The following TP53BP2 variants were observed in gnomAD, a reference collection of about 807,000 sequenced individuals.
TP53BP2 encodes apoptosis-stimulating of p53 protein 2.
In TP53BP2, 62 loss-of-function variants were observed where a neutral mutation model predicts 126.2. The ratio of observed to expected loss-of-function variants is 0.49; its 90% CI spans 0.40 to 0.61. The LOEUF (loss-of-function observed/expected upper bound fraction) is 0.61, where lower values mean the gene tolerates loss of function less well. Ranked by LOEUF, TP53BP2 falls within the 20% of genes least tolerant of loss-of-function variation. The pLI is 0.00. For missense variants in TP53BP2, 1,215 were observed against 1,402.8 expected (o/e 0.87, Z 2.14); for synonymous variants, 485 against 502.9 (o/e 0.96, Z 0.48).
intron 12 of TP53BP2, among the ~76,000 whole-genome samples, chr1:223,797,630 C>T (rs1662371224): frequency 1.3e-5 from 2 of 152,006 alleles, no homozygotes. Context: ...AGGCTGGTCT[C>T]GAACTCCCAA....
At chr1:223,820,332 TGGA>T (rs1355501728) in intron 2 of TP53BP2, among the ~76,000 whole-genome samples, 3 of 152,204 alleles carry the variant, frequency 2.0e-5, no homozygotes, top group African/African-American at 4.8e-5. Flanking sequence ...TTATTCTAAG[TGGA>T]GGAGAAGTCG....
intron 3 of TP53BP2, among the ~76,000 whole-genome samples, chr1:223,812,405 G>A (rs546413659): frequency 1.8e-4 from 27 of 152,060 alleles, no homozygotes; most frequent in African/African-American, 6.3e-4. Context: ...TTTTGGAGAC[G>A]GAGTCTCGCT....
rs376897038 is a variant in TP53BP2, at chr1:223,814,249, T to C, written c.280A>G (p.Arg94Gly). 2.5e-6 allele frequency: 4 copies of C among 1,613,010 alleles called. No individual in the cohort carries two copies. Among genetic ancestry groups the C allele is most frequent in the Non-Finnish European group, 2.5e-6 (3 of 1,179,174 alleles). The change falls in exon 3 of 18, where the codon AGG becomes GGG. Residue 94 changes from arginine to glycine, a missense_variant. Arg to Gly is a moderately radical substitution (Grantham distance 125). Coordinates refer to ENST00000343537, the MANE Select transcript of TP53BP2 (RefSeq NM_001031685.3). ...ACAGAGCACTACCTACCAATGTCCCTGCCAGGGGGGCGTTCATGACGAAGG... is the reference window on the plus strand; with the variant it reads ...ACAGAGCACTACCTACCAATGTCCCCGCCAGGGGGGCGTTCATGACGAAGG... ...FFLRHERPPG[R>G]DIVSGPRSQD...
At chr1:223,812,564 T>C (rs1662948002) in intron 3 of TP53BP2, among the ~76,000 whole-genome samples, 1 of 151,776 alleles carries the variant, frequency 6.6e-6, no homozygotes, top group African/African-American at 2.4e-5. Context: ...TTGTTGTTGT[T>C]GTTGTTTTCG....
intron 13 of TP53BP2, 101 bp downstream of exon 13, chr1:223,795,714 T>A: frequency 8.6e-7 from 1 of 1,163,652 alleles, no homozygotes; most frequent in Non-Finnish European, 1.2e-6. Context: ...AAGGGAATCG[T>A]AAAATAAAAA....
At chr1:223,819,425 A>C (rs535336677) in intron 2 of TP53BP2, among the ~76,000 whole-genome samples, 1 of 152,126 alleles carries the variant, frequency 6.6e-6, no homozygotes, top group African/African-American at 2.4e-5. Flanking sequence ...GGTGGCTCAC[A>C]CCTGTAATCC....
At chr1:223,797,704 C>T (rs1408717021) in intron 12 of TP53BP2, among the ~76,000 whole-genome samples, 1 of 152,026 alleles carries the variant, frequency 6.6e-6, no homozygotes, top group Admixed American at 6.5e-5. Flanking sequence ...AGCCACTGCG[C>T]CCAGCCACAG....
intron 4 of TP53BP2, among the ~76,000 whole-genome samples, chr1:223,810,022 C>T (rs937813956): frequency 6.6e-6 from 1 of 152,122 alleles, no homozygotes; most frequent in African/African-American, 2.4e-5. Flanking sequence ...GATGGGGTTT[C>T]TCCATGTTGG....
chr1:223,796,210 G>A lies in TP53BP2; in HGVS notation c.2329C>T (p.Pro777Ser), dbSNP rs1662316207. Residue 777 changes from proline (P) to serine (S), a missense_variant, in exon 13 of 18, where the codon CCA becomes TCA. Coordinates refer to ENST00000343537, the MANE Select transcript of TP53BP2 (RefSeq NM_001031685.3). The surrounding 1 kb of genome is among the most constrained non-coding windows in gnomAD (Gnocchi z 4.2). ...AMETISVPSY[P>S]SKSASVTASS... ...GCAGTCACAGAAGCTGACTTGGATG[G>A]GTATGATGGGACAGAGATGGTCTCC... The A allele has an allele frequency of 2.5e-6, 4 of 1,614,182 alleles. No homozygotes were observed. The highest frequency in any genetic ancestry group is 3.4e-6 in the Non-Finnish European group (4 of 1,180,030).
intron 1 of TP53BP2, among the ~76,000 whole-genome samples, chr1:223,832,156 G>A (rs1663757471): frequency 6.6e-6 from 1 of 152,148 alleles, no homozygotes; most frequent in Non-Finnish European, 1.5e-5. Flanking sequence ...AAGGAACCAA[G>A]AGTATAAGAT....
intron 1 of TP53BP2, among the ~76,000 whole-genome samples, chr1:223,823,194 A>G (rs1261818016): frequency 2.0e-5 from 3 of 152,206 alleles, no homozygotes; most frequent in Non-Finnish European, 2.9e-5. Flanking sequence ...ACAGTCACAC[A>G]ACTCCCCTTC....
intron 2 of TP53BP2, among the ~76,000 whole-genome samples, chr1:223,816,648 A>G (rs1032506328): frequency 2.0e-5 from 3 of 152,210 alleles, no homozygotes; most frequent in African/African-American, 7.2e-5. Flanking sequence ...AGTAAAAGTT[A>G]AAATATTATA....
At chr1:223,807,366 A>C (rs1662759607) in intron 4 of TP53BP2, among the ~76,000 whole-genome samples, 1 of 152,186 alleles carries the variant, frequency 6.6e-6, no homozygotes, top group African/African-American at 2.4e-5. Context: ...TTTAGCACTA[A>C]AAAATTCAAG....
At position 223,796,299 on chromosome 1, in the gene TP53BP2, G is replaced by T; in HGVS notation, c.2240C>A (p.Pro747Gln). The change falls in exon 13 of 18, where the codon CCA becomes CAA. Residue 747 changes from proline to glutamine, a missense_variant. By Grantham distance (76) the Pro-to-Gln change is moderately conservative. Around this residue, in one of 4 missense-constraint regions of TP53BP2, gnomAD observed 46 missense variants for 93.0 expected, o/e 0.49. Transcript: ENST00000343537. The surrounding 1 kb of genome is among the most constrained non-coding windows in gnomAD (Gnocchi z 4.2). ...AATATTTGGCCCATTAGGACCCTCT[G>T]GCTCTGTAATAGAACTACGTTTCTT... ...PLKKRSSITE[P>Q]EGPNGPNIQK... The T allele has an allele frequency of 1.9e-6, 3 of 1,614,140 alleles. No individual in the cohort carries two copies. Among genetic ancestry groups the T allele is most frequent in the Non-Finnish European group, 2.5e-6 (3 of 1,180,042 alleles).
chr1:223,827,764 T>G (rs972392923), intron 1 of TP53BP2, among the ~76,000 whole-genome samples: 3 of 152,142 alleles, frequency 2.0e-5, no homozygotes, highest in Admixed American at 6.5e-5. Context: ...TATGTATCAA[T>G]TCCCTTTTCC....
intron 12 of TP53BP2, among the ~76,000 whole-genome samples, chr1:223,797,934 T>G (rs1662389282): frequency 1.3e-5 from 2 of 152,112 alleles, no homozygotes; most frequent in Non-Finnish European, 1.5e-5. Context: ...CACACCTTCC[T>G]TCTGCACTGT....
intron 12 of TP53BP2, among the ~76,000 whole-genome samples, chr1:223,797,209 A>G (rs1229584743): frequency 6.6e-6 from 1 of 152,194 alleles, no homozygotes; most frequent in African/African-American, 2.4e-5. Flanking sequence ...TTACATGGTT[A>G]TTTCATGACT....
chr1:223,839,421 C>T (rs1238853246), intron 1 of TP53BP2, among the ~76,000 whole-genome samples: 1 of 152,144 alleles, frequency 6.6e-6, no homozygotes, highest in Non-Finnish European at 1.5e-5. Flanking sequence ...TTCCACTCCC[C>T]CTGCTTTTAC....
chr1:223,782,442 C>T (rs1404211607), intron 17 of TP53BP2, among the ~76,000 whole-genome samples: 1 of 152,210 alleles, frequency 6.6e-6, no homozygotes, highest in Non-Finnish European at 1.5e-5. Context: ...GGAGAAGCAA[C>T]TGAGGGTGCT....
Sources: allele counts gnomAD v4.1 joint callset (sites outside exome capture counted in the v4.1 genomes callset), GRCh38; gene constraint gnomAD v4.1.1; regional missense constraint gnomAD v4.1.1; non-coding constraint Gnocchi (gnomAD v3.1); transcripts MANE v1.5; gene names NCBI Gene and HGNC (gene_info 2026-07-23, HGNC 2026-07-21).